OR51B5: variants seen among roughly 807,000 people sequenced by gnomAD.
OR51B5 encodes the protein olfactory receptor family 51 subfamily B member 5, also known as olfactory receptor 51B5.
For synonymous variants in OR51B5, 186 were observed against 144.8 expected (o/e 1.28, Z -2.04); for missense variants, 456 against 374.6 (o/e 1.22, Z -1.79).
At chr11:5,389,863 A>G (rs1364573612) in intron 1 of OR51B5, 2 of 1,613,674 alleles carry the variant, frequency 1.2e-6, no homozygotes. Context: ...AAGTGGTCAG[A>G]GCAGGCCTAA....
intron 1 of OR51B5, chr11:5,440,459 T>G (rs1850660575): frequency 1.5e-6 from 1 of 670,562 alleles, no homozygotes; most frequent in Non-Finnish European, 2.6e-6. Flanking sequence ...TAGTGATACA[T>G]TCACTACTAT....
intron 1 of OR51B5, chr11:5,505,327 C>T (rs1399615934): frequency 2.4e-5 from 31 of 1,303,568 alleles, no homozygotes; most frequent in Non-Finnish European, 3.1e-5. Flanking sequence ...CTTCCCCAGT[C>T]AGAGGCAGAC....
At chr11:5,496,190 A>G (rs958925578) in intron 1 of OR51B5, among the ~76,000 whole-genome samples, 1 of 151,870 alleles carries the variant, frequency 6.6e-6, no homozygotes, top group African/African-American at 2.4e-5. Context: ...ATGGGTTCAC[A>G]TTCTCTCTTG....
At chr11:5,343,270 C>T (rs777666122) in exon 1 of OR51B5, 2 of 1,612,960 alleles carry the variant, frequency 1.2e-6, no homozygotes, top group Admixed American at 1.7e-5. Flanking sequence ...CCCTGTGATC[C>T]AGCCAGAGGA....
At position 5,447,171 on chromosome 11, in the gene OR51B5, C is replaced by T. The variant is rs74850665; in HGVS notation, n.84+58398G>A. 3.8e-3 allele frequency among the ~76,000 whole-genome samples: 573 copies of T among 152,292 alleles called. 6 individuals are homozygous for T. Among genetic ancestry groups the T allele is most frequent in the African/African-American group, 0.013 (545 of 41,558 alleles). ...AACAAAATGTGCTTCTGTTCTGTAC[C>T]AAGGCTAAGCCTGTTTACCCTCAAG... is the stretch of plus-strand genomic sequence containing the variant. On this transcript the variant is annotated intron_variant and non_coding_transcript_variant, in intron 1 of 4. Transcript: ENST00000415970.
chr11:5,455,055 T>C (rs1469641743), intron 1 of OR51B5: 1 of 152,246 alleles, frequency 6.6e-6, no homozygotes, highest in Admixed American at 6.5e-5. Flanking sequence ...AGCTTAACTA[T>C]TAGAACTCAC....
At chr11:5,403,891 G>A (rs889639821) in intron 1 of OR51B5, among the ~76,000 whole-genome samples, 1 of 152,068 alleles carries the variant, frequency 6.6e-6, no homozygotes, top group African/African-American at 2.4e-5. Context: ...AATCTATTGA[G>A]CCCTCTGTGC....
At chr11:5,346,338 T>C (rs570828323), upstream of OR51B5, 1 of 152,232 alleles carries the variant, frequency 6.6e-6, no homozygotes, top group African/African-American at 2.4e-5. Context: ...CCTCAGCTAG[T>C]CGTGGCTCTT....
chr11:5,406,823 G>A (rs1850064398), intron 1 of OR51B5, among the ~76,000 whole-genome samples: 1 of 152,022 alleles, frequency 6.6e-6, no homozygotes, highest in Admixed American at 6.6e-5. Flanking sequence ...TTCCCTTAAG[G>A]AATGTATCAA....
chr11:5,467,548 T>C (rs1356063759), intron 1 of OR51B5, among the ~76,000 whole-genome samples: 1 of 152,258 alleles, frequency 6.6e-6, no homozygotes, highest in Non-Finnish European at 1.5e-5. Context: ...CCAGTTAAAG[T>C]CCACATATCA....
chr11:5,468,929 A>G (rs7940178), intron 1 of OR51B5: 6,963 of 356,638 alleles, frequency 0.02, 482 homozygotes, highest in African/African-American at 0.14. Flanking sequence ...CAGTCTCTTC[A>G]GGAGGAAGGG....
chr11:5,466,120 A>C (rs1458393034), intron 1 of OR51B5, among the ~76,000 whole-genome samples: 1 of 152,210 alleles, frequency 6.6e-6, no homozygotes, highest in South Asian at 2.1e-4. Context: ...AAAAACAAAC[A>C]ACCCCATCAA....
At chr11:5,487,470 A>T (rs754051624) in intron 1 of OR51B5, among the ~76,000 whole-genome samples, 3 of 152,174 alleles carry the variant, frequency 2.0e-5, no homozygotes, top group African/African-American at 4.8e-5. Flanking sequence ...AAATCAGAGA[A>T]TGACTACATT....
chr11:5,449,870 GATGAACA>G (rs1850818123), intron 1 of OR51B5, among the ~76,000 whole-genome samples: 1 of 152,132 alleles, frequency 6.6e-6, no homozygotes, highest in Admixed American at 6.5e-5. Flanking sequence ...CTAAACTGTA[GATGAACA>G]ATGAATAGCT....
intron 1 of OR51B5, among the ~76,000 whole-genome samples, chr11:5,495,775 T>A (rs559941936): frequency 6.6e-6 from 1 of 152,174 alleles, no homozygotes; most frequent in Admixed American, 6.6e-5. Flanking sequence ...CATTCTCCAA[T>A]CAAAACATAT....
intron 1 of OR51B5, chr11:5,389,776 G>T (rs532842246): frequency 6.2e-7 from 1 of 1,613,992 alleles, no homozygotes; most frequent in South Asian, 1.1e-5. Flanking sequence ...AGTCCTCAGT[G>T]CTCCTCATGA....
chr11:5,422,578 G>A, intron 1 of OR51B5: 1 of 1,614,042 alleles, frequency 6.2e-7, no homozygotes, highest in Non-Finnish European at 8.5e-7. Flanking sequence ...ACTGCTATGT[G>A]GCCATCTGCT....
chr11:5,407,327 T>A (rs1188065466), intron 1 of OR51B5, among the ~76,000 whole-genome samples: 1 of 152,210 alleles, frequency 6.6e-6, no homozygotes, highest in Non-Finnish European at 1.5e-5. Context: ...TTTTACTAAG[T>A]CTTTTGCATT....
chr11:5,343,727 T>C, upstream of OR51B5: 1 of 454,568 alleles, frequency 2.2e-6, no homozygotes, highest in Non-Finnish European at 3.8e-6. Context: ...CATTCCAGGA[T>C]CTATCTCCTA....
Sources: allele counts gnomAD v4.1 joint callset (sites outside exome capture counted in the v4.1 genomes callset), GRCh38; gene constraint gnomAD v4.1.1; transcripts MANE v1.5; gene names NCBI Gene and HGNC (gene_info 2026-07-23, HGNC 2026-07-21).